LUZP2: variants seen among roughly 807,000 people sequenced by gnomAD.
LUZP2 encodes the protein leucine zipper protein 2.
LUZP2 carries 52 observed loss-of-function variants against 51.6 expected under a neutral mutation model. The ratio of observed to expected loss-of-function variants is 1.01; its 90% CI spans 0.81 to 1.27. LUZP2 has a LOEUF of 1.27. Among genes scored for constraint, LUZP2 ranks in the 50% most tolerant of loss-of-function variants. LUZP2 has a pLI of 0.00. For synonymous variants in LUZP2, 154 were observed against 137.3 expected (o/e 1.12, Z -0.85); for missense variants, 436 against 395.4 (o/e 1.10, Z -0.87).
rs551951546 is a variant in LUZP2, at chr11:24,558,567, T to A, written c.62+61262T>A. On this transcript the variant is annotated intron_variant, in intron 1 of 11. Transcript: ENST00000336930. ...AAAATGTCAAGACAATCTTGCAAAT[T>A]AGAAAATTAGTCACTGGTAGGATTT... Among the ~76,000 whole-genome samples the A allele has an allele frequency of 2.0e-5, 3 of 152,270 alleles. No individual in the cohort carries two copies. The South Asian group carries it at 6.2e-4, about 32-fold the overall frequency.
intron 5 of LUZP2, among the ~76,000 whole-genome samples, chr11:24,854,732 G>T (rs1851503749): frequency 6.6e-6 from 1 of 151,554 alleles, no homozygotes. Flanking sequence ...GCCCCATTTT[G>T]TGCTTGAAAC....
At chr11:24,571,147 G>A (rs1852427466) in intron 1 of LUZP2, among the ~76,000 whole-genome samples, 1 of 150,848 alleles carries the variant, frequency 6.6e-6, no homozygotes, top group Non-Finnish European at 1.5e-5. Flanking sequence ...CCAGCTACAG[G>A]GATATTGAGA....
intron 10 of LUZP2, among the ~76,000 whole-genome samples, chr11:25,054,051 A>G (rs960294791): frequency 2.6e-5 from 4 of 152,164 alleles, no homozygotes; most frequent in African/African-American, 9.7e-5. Context: ...AAATTTATTA[A>G]AGATATTACA....
intron 3 of LUZP2, among the ~76,000 whole-genome samples, chr11:24,734,422 G>A (rs1590418004): frequency 2.6e-5 from 4 of 151,960 alleles, no homozygotes; most frequent in South Asian, 4.1e-4. Context: ...AAGTGTACAT[G>A]TGGTAAAGTA....
At chr11:24,940,275 G>T (rs145165341) in intron 7 of LUZP2, among the ~76,000 whole-genome samples, 1 of 152,130 alleles carries the variant, frequency 6.6e-6, no homozygotes, top group African/African-American at 2.4e-5. Flanking sequence ...TAACTACTTG[G>T]CTGTGAAAGG....
At chr11:25,037,610 C>G (rs1857906480) in intron 9 of LUZP2, among the ~76,000 whole-genome samples, 1 of 152,054 alleles carries the variant, frequency 6.6e-6, no homozygotes. Flanking sequence ...TTTTTTAAAT[C>G]TATGTTTAGC....
At chr11:24,549,105 T>C (rs1357650997) in intron 1 of LUZP2, among the ~76,000 whole-genome samples, 1 of 152,088 alleles carries the variant, frequency 6.6e-6, no homozygotes, top group Non-Finnish European at 1.5e-5. Flanking sequence ...TCTTTTGTTA[T>C]AAAATTTAGT....
intron 5 of LUZP2, among the ~76,000 whole-genome samples, chr11:24,843,440 CATTAATGTTGTA>C (rs546183305): frequency 1.3e-5 from 2 of 152,092 alleles, no homozygotes; most frequent in East Asian, 3.9e-4. Context: ...CAATCTTTCC[CATTAATGTTGTA>C]AAAATTGTAA....
At chr11:24,893,873 A>C (rs1852936783) in intron 5 of LUZP2, among the ~76,000 whole-genome samples, 1 of 152,120 alleles carries the variant, frequency 6.6e-6, no homozygotes, top group South Asian at 2.1e-4. Flanking sequence ...TTCCTCTAAG[A>C]ACAATTTAAT....
chr11:24,855,177 G>T (rs1361956137), intron 5 of LUZP2, among the ~76,000 whole-genome samples: 1 of 152,176 alleles, frequency 6.6e-6, no homozygotes, highest in Non-Finnish European at 1.5e-5. Context: ...AATTAGAAAA[G>T]AGGAAGTCAA....
intron 5 of LUZP2, among the ~76,000 whole-genome samples, chr11:24,805,476 G>T (rs118022869): frequency 6.6e-6 from 1 of 152,134 alleles, no homozygotes; most frequent in Middle Eastern, 3.4e-3. Context: ...CAGTCATTGC[G>T]CCTGGCCAGA....
chr11:24,918,218 G>A (rs1434042482), intron 7 of LUZP2, among the ~76,000 whole-genome samples: 1 of 152,116 alleles, frequency 6.6e-6, no homozygotes, highest in Non-Finnish European at 1.5e-5. Context: ...TTGCTTATCA[G>A]CTTATGGAGA....
chr11:24,837,193 T>A (rs1850886857), intron 5 of LUZP2, among the ~76,000 whole-genome samples: 1 of 151,800 alleles, frequency 6.6e-6, no homozygotes, highest in African/African-American at 2.4e-5. Context: ...CAATATTTTT[T>A]ATACTTTCCT....
chr11:24,718,974 C>T (rs1221467336), intron 1 of LUZP2, among the ~76,000 whole-genome samples: 1 of 152,098 alleles, frequency 6.6e-6, no homozygotes, highest in African/African-American at 2.4e-5. Context: ...TCAAGAAATT[C>T]TCTTTGATAA....
chr11:24,802,412 A>G (rs1005986261), intron 5 of LUZP2, among the ~76,000 whole-genome samples: 2 of 151,830 alleles, frequency 1.3e-5, no homozygotes, highest in African/African-American at 4.8e-5. Context: ...GTATAGACAC[A>G]TTTATGTTGG....
intron 7 of LUZP2, among the ~76,000 whole-genome samples, chr11:24,966,695 A>G (rs988096132): frequency 1.4e-5 from 2 of 147,980 alleles, no homozygotes; most frequent in Non-Finnish European, 3.0e-5. Flanking sequence ...TTATATGCAT[A>G]TTATATTATA....
chr11:24,998,470 T>C (rs1856575401), intron 9 of LUZP2, among the ~76,000 whole-genome samples: 1 of 152,228 alleles, frequency 6.6e-6, no homozygotes, highest in South Asian at 2.1e-4. Flanking sequence ...ACATTGATTT[T>C]GTATCCTGAG....
At chr11:24,896,592 G>T (rs1565072610) in intron 5 of LUZP2, among the ~76,000 whole-genome samples, 1 of 152,138 alleles carries the variant, frequency 6.6e-6, no homozygotes, top group Non-Finnish European at 1.5e-5. Context: ...CCCCCCATGG[G>T]ATACCGCATG....
intron 2 of LUZP2, among the ~76,000 whole-genome samples, chr11:24,730,407 C>A (rs1218199178): frequency 4.1e-5 from 6 of 147,392 alleles, no homozygotes; most frequent in Non-Finnish European, 1.5e-5. Flanking sequence ...GAAACGAGAG[C>A]AAAAAAAAAA....
Sources: allele counts gnomAD v4.1 joint callset (sites outside exome capture counted in the v4.1 genomes callset), GRCh38; gene constraint gnomAD v4.1.1; transcripts MANE v1.5; gene names NCBI Gene and HGNC (gene_info 2026-07-23, HGNC 2026-07-21).